Variants in NCAM1 observed in about 807,000 individuals in gnomAD.
NCAM1 encodes the protein neural cell adhesion molecule 1, also known as antigen recognized by monoclonal antibody 5.1H11.
A neutral mutation model predicts 109.8 loss-of-function variants in NCAM1; 14 were observed. The ratio of observed to expected loss-of-function variants is 0.13; its 90% CI spans 0.08 to 0.20. The LOEUF is 0.20. NCAM1 is among the 10% of genes least tolerant of loss of function. The pLI is 1.00. For missense variants in NCAM1, 774 were observed against 1,109.9 expected (o/e 0.70, Z 4.30); for synonymous variants, 418 against 442.9 (o/e 0.94, Z 0.70).
intron 14 of NCAM1, chr11:113,242,762 CCTT>C: frequency 1.3e-6 from 2 of 1,560,888 alleles, no homozygotes; most frequent in Non-Finnish European, 1.8e-6. Flanking sequence ...TCCATTCTCT[CCTT>C]CACCTTTCTT....
chr11:113,104,233 C>T (rs1476051986), intron 1 of NCAM1, among the ~76,000 whole-genome samples: 9 of 125,536 alleles, frequency 7.2e-5, no homozygotes, highest in Admixed American at 1.7e-4. Context: ...GTGGTGGTGG[C>T]GGTGCAGGGG....
intron 14 of NCAM1, among the ~76,000 whole-genome samples, chr11:113,237,339 A>G (rs1379106557): frequency 6.6e-6 from 1 of 152,214 alleles, no homozygotes; most frequent in Non-Finnish European, 1.5e-5. Flanking sequence ...CCTGAAAGGT[A>G]CCCAAGGAAG....
At chr11:113,105,423 A>G (rs1555092340) in intron 1 of NCAM1, among the ~76,000 whole-genome samples, 1 of 152,262 alleles carries the variant, frequency 6.6e-6, no homozygotes, top group African/African-American at 2.4e-5. Flanking sequence ...TTCATAAAAA[A>G]TGAGATGCTT....
chr11:113,100,988 G>C (rs1555091405), intron 1 of NCAM1, among the ~76,000 whole-genome samples: 1 of 152,170 alleles, frequency 6.6e-6, no homozygotes, highest in African/African-American at 2.4e-5. Context: ...TTGCAAAGGA[G>C]AAAGTGTCAA....
intron 1 of NCAM1, among the ~76,000 whole-genome samples, chr11:113,160,337 G>A (rs374132287): frequency 3.3e-5 from 5 of 152,118 alleles, no homozygotes; most frequent in Admixed American, 2.0e-4. Flanking sequence ...GTTCTGCTTC[G>A]CTCCAGGTTA....
Position 113,214,523 on chromosome 11 carries a change from C to G in NCAM1, c.1059+12C>G. ...GCAGCGAAGAAAAGGTATCATGCTC[C>G]CCAGGAGTTTCAGGGCCTTGGAATG... On this transcript the variant is annotated intron_variant, in intron 8 of 19. Coordinates refer to ENST00000316851, the MANE Select transcript of NCAM1 (RefSeq NM_181351.5). 1 of 1,591,764 alleles carries G rather than the reference C, an allele frequency of 6.3e-7. No homozygotes were observed. Among genetic ancestry groups the G allele is most frequent in the South Asian group, 1.1e-5 (1 of 87,596 alleles).
intron 1 of NCAM1, among the ~76,000 whole-genome samples, chr11:113,183,011 C>A (rs548507444): frequency 6.6e-6 from 1 of 152,154 alleles, no homozygotes; most frequent in East Asian, 1.9e-4. Flanking sequence ...GTCAGTTGGG[C>A]CCCAGTTGTT....
intron 1 of NCAM1, among the ~76,000 whole-genome samples, chr11:112,993,762 A>G (rs1359790916): frequency 6.6e-6 from 1 of 152,246 alleles, no homozygotes; most frequent in Admixed American, 6.5e-5. Flanking sequence ...TTGTTCACTG[A>G]GGAGCCAAGT....
chr11:113,103,972 AG>A (rs1555092004), intron 1 of NCAM1, among the ~76,000 whole-genome samples: 2 of 152,072 alleles, frequency 1.3e-5, no homozygotes, highest in African/African-American at 4.8e-5. Flanking sequence ...TTGTAGCTAC[AG>A]GGCCTTACAA....
At chr11:113,139,318 C>T (rs1329935437) in intron 1 of NCAM1, among the ~76,000 whole-genome samples, 4 of 152,164 alleles carry the variant, frequency 2.6e-5, no homozygotes, top group Admixed American at 6.5e-5. Context: ...ACATTCAGTG[C>T]TACAGCAGGA....
intron 1 of NCAM1, among the ~76,000 whole-genome samples, chr11:113,125,271 C>G (rs1941129169): frequency 6.6e-6 from 1 of 152,178 alleles, no homozygotes; most frequent in African/African-American, 2.4e-5. Context: ...GCGGTTTCCA[C>G]TGTTACACCT....
intron 9 of NCAM1, among the ~76,000 whole-genome samples, chr11:113,228,663 T>C (rs373280920): frequency 2.0e-5 from 3 of 152,162 alleles, no homozygotes; most frequent in Non-Finnish European, 2.9e-5. Flanking sequence ...GGAGGCATCA[T>C]GCTACCTGAC....
intron 14 of NCAM1, 31 bp from the exon 15 acceptor site, chr11:113,246,337 T>C (rs782286236): frequency 1.4e-6 from 1 of 736,010 alleles, no homozygotes; most frequent in Non-Finnish European, 2.5e-6. Flanking sequence ...GCTTGCATGG[T>C]GCTGATGATG....
chr11:113,222,912 C>T (rs1555115572), intron 9 of NCAM1, among the ~76,000 whole-genome samples: 1 of 152,144 alleles, frequency 6.6e-6, no homozygotes, highest in Non-Finnish European at 1.5e-5. Context: ...AAGTTCCATT[C>T]TCTCCTGTTT....
intron 1 of NCAM1, among the ~76,000 whole-genome samples, chr11:113,195,727 C>T (rs563298225): frequency 2.6e-5 from 4 of 151,850 alleles, no homozygotes; most frequent in East Asian, 1.9e-4. Context: ...AGGATGGTCT[C>T]GATCTCCTGA....
intron 1 of NCAM1, among the ~76,000 whole-genome samples, chr11:113,020,915 C>A (rs1952362395): frequency 6.6e-6 from 1 of 152,072 alleles, no homozygotes; most frequent in Non-Finnish European, 1.5e-5. Flanking sequence ...TGCCACCATG[C>A]CCGACAAATT....
At chr11:113,017,076 G>A (rs574535668) in intron 1 of NCAM1, among the ~76,000 whole-genome samples, 18 of 152,232 alleles carry the variant, frequency 1.2e-4, no homozygotes, top group African/African-American at 2.9e-4. Context: ...TTTTGTCAAC[G>A]TGTTGCAACA....
chr11:112,986,831 C>T (rs1185638344), intron 1 of NCAM1, among the ~76,000 whole-genome samples: 1 of 151,736 alleles, frequency 6.6e-6, no homozygotes, highest in Non-Finnish European at 1.5e-5. Flanking sequence ...CAATTTTTAT[C>T]TTTCAGAAAA....
chr11:113,077,917 C>T (rs1370342659), intron 1 of NCAM1, among the ~76,000 whole-genome samples: 7 of 152,090 alleles, frequency 4.6e-5, no homozygotes, highest in African/African-American at 1.7e-4. Flanking sequence ...AAACTCCTGA[C>T]CTCAGGTGAT....
Sources: allele counts gnomAD v4.1 joint callset (sites outside exome capture counted in the v4.1 genomes callset), GRCh38; gene constraint gnomAD v4.1.1; transcripts MANE v1.5; gene names NCBI Gene and HGNC (gene_info 2026-07-23, HGNC 2026-07-21).